Variants in CFAP299 observed in about 807,000 individuals in gnomAD.
The protein encoded by CFAP299 is cilia- and flagella-associated protein 299.
CFAP299 carries 21 observed loss-of-function variants against 27.0 expected under a neutral mutation model. The ratio of observed to expected loss-of-function variants is 0.78; its 90% CI spans 0.55 to 1.12. The LOEUF is 1.12. CFAP299 is among the 50% of genes most tolerant of loss of function. The pLI, the probability that CFAP299 is intolerant of heterozygous loss-of-function variation, is 0.00. For missense variants in CFAP299, 310 were observed against 276.6 expected (o/e 1.12, Z -0.86); for synonymous variants, 104 against 98.1 (o/e 1.06, Z -0.36).
chr4:80,605,599 G>A (rs1468283359), intron 3 of CFAP299, among the ~76,000 whole-genome samples: 1 of 152,042 alleles, frequency 6.6e-6, no homozygotes, highest in African/African-American at 2.4e-5. Context: ...ATTTCATTCT[G>A]GCTCTAAATA....
intron 2 of CFAP299, among the ~76,000 whole-genome samples, chr4:80,443,102 G>A (rs1728443804): frequency 6.6e-6 from 1 of 152,158 alleles, no homozygotes; most frequent in Non-Finnish European, 1.5e-5. Context: ...AATTCTCCCA[G>A]GGGTACAAAG....
chr4:80,719,006 T>C (rs1722658925), intron 3 of CFAP299, among the ~76,000 whole-genome samples: 1 of 152,098 alleles, frequency 6.6e-6, no homozygotes, highest in Non-Finnish European at 1.5e-5. Flanking sequence ...TGGATGGAGT[T>C]TGGGGGCCAT....
At chr4:80,439,566 C>T (rs1055511902) in intron 2 of CFAP299, among the ~76,000 whole-genome samples, 2 of 152,206 alleles carry the variant, frequency 1.3e-5, no homozygotes, top group Non-Finnish European at 2.9e-5. Flanking sequence ...AGGAGATTCC[C>T]TCGGGTGCCT....
chr4:80,730,688 C>A (rs1313280256), intron 3 of CFAP299, among the ~76,000 whole-genome samples: 1 of 152,100 alleles, frequency 6.6e-6, no homozygotes, highest in African/African-American at 2.4e-5. Context: ...TAGGTAGGGT[C>A]CAGAGTCTTG....
intron 4 of CFAP299, among the ~76,000 whole-genome samples, chr4:80,889,627 A>C (rs1734152046): frequency 6.6e-6 from 1 of 152,102 alleles, no homozygotes; most frequent in African/African-American, 2.4e-5. Context: ...TATTCTACAA[A>C]GCCAGCATTA....
chr4:80,390,948 CACACATGTATATATGTATATATGT>C (rs1560544113), intron 2 of CFAP299, among the ~76,000 whole-genome samples: 4 of 42,216 alleles, frequency 9.5e-5, no homozygotes, highest in Non-Finnish European at 1.9e-4. Context: ...TATGTATGTA[CACACATGTATATATGTATATATGT>C]ATGTACACAC....
At chr4:80,530,374 T>C (rs938078930) in intron 2 of CFAP299, among the ~76,000 whole-genome samples, 24 of 152,156 alleles carry the variant, frequency 1.6e-4, no homozygotes, top group African/African-American at 5.8e-4. Flanking sequence ...TAAAATAATA[T>C]AGGTACTCTC....
At chr4:80,598,079 C>A (rs1737147849) in intron 3 of CFAP299, among the ~76,000 whole-genome samples, 1 of 152,188 alleles carries the variant, frequency 6.6e-6, no homozygotes, top group South Asian at 2.1e-4. Context: ...ATATAAAAAT[C>A]TGGATTTCAA....
intron 2 of CFAP299, among the ~76,000 whole-genome samples, chr4:80,563,304 A>G (rs373243551): frequency 4.6e-5 from 7 of 152,162 alleles, no homozygotes; most frequent in African/African-American, 1.7e-4. Flanking sequence ...AGGTCACAAA[A>G]CAAGTCTTAA....
chr4:80,375,849 A>T (rs1228866092), intron 2 of CFAP299, among the ~76,000 whole-genome samples: 1 of 152,206 alleles, frequency 6.6e-6, no homozygotes, highest in Non-Finnish European at 1.5e-5. Flanking sequence ...CATGAGCTCA[A>T]TTGCTGAGGC....
At chr4:80,646,346 C>T (rs1246246405) in intron 3 of CFAP299, among the ~76,000 whole-genome samples, 1 of 152,154 alleles carries the variant, frequency 6.6e-6, no homozygotes, top group Admixed American at 6.6e-5. Flanking sequence ...TTTACTCTCA[C>T]TGAACAGTAT....
chr4:80,604,385 C>T lies in CFAP299; in HGVS notation c.333+21202C>T, dbSNP rs115058313. ...GTAAGATAATTGGAAGTGTATGTGA[C>T]TAAAAGTTAGGCACTGGTGGGTCCC... On this transcript the variant is annotated intron_variant, in intron 3 of 5. Transcript: ENST00000358105. Among the ~76,000 whole-genome samples the T allele has an allele frequency of 6.8e-3, 1,035 of 152,130 alleles. 13 individuals are homozygous for T. Among genetic ancestry groups the T allele is most frequent in the African/African-American group, 0.024 (994 of 41,498 alleles).
intron 2 of CFAP299, among the ~76,000 whole-genome samples, chr4:80,404,274 T>C (rs776453192): frequency 1.3e-5 from 2 of 152,114 alleles, no homozygotes; most frequent in African/African-American, 4.8e-5. Context: ...TTTTTATTTG[T>C]GATAAAGTAC....
At chr4:80,458,615 A>G (rs1553924805) in intron 2 of CFAP299, among the ~76,000 whole-genome samples, 1 of 152,186 alleles carries the variant, frequency 6.6e-6, no homozygotes, top group Non-Finnish European at 1.5e-5. Context: ...TTATTTTATT[A>G]GTGATTCAAG....
At chr4:80,390,680 TAC>T (rs1395197447) in intron 2 of CFAP299, among the ~76,000 whole-genome samples, 4 of 145,836 alleles carry the variant, frequency 2.7e-5, no homozygotes, top group Admixed American at 7.0e-5. Context: ...TATACATGTA[TAC>T]ACACATATAT....
intron 2 of CFAP299, among the ~76,000 whole-genome samples, chr4:80,501,739 T>G (rs1731759209): frequency 6.6e-6 from 1 of 151,612 alleles, no homozygotes; most frequent in African/African-American, 2.4e-5. Flanking sequence ...GATGTCACCA[T>G]TTTTGATAGA....
intron 2 of CFAP299, among the ~76,000 whole-genome samples, chr4:80,473,401 A>T (rs1235009104): frequency 6.6e-6 from 1 of 152,042 alleles, no homozygotes; most frequent in Admixed American, 6.6e-5. Context: ...CTGAAGTTTA[A>T]TTTTAACTTT....
At chr4:80,412,126 C>A (rs1447724743) in intron 2 of CFAP299, among the ~76,000 whole-genome samples, 1 of 152,176 alleles carries the variant, frequency 6.6e-6, no homozygotes, top group Non-Finnish European at 1.5e-5. Flanking sequence ...CATAACCAAG[C>A]AATCTAGTGA....
chr4:80,947,176 T>C (rs967745645), intron 5 of CFAP299, among the ~76,000 whole-genome samples: 2 of 152,174 alleles, frequency 1.3e-5, no homozygotes, highest in African/African-American at 4.8e-5. Context: ...TCTCCTTTTT[T>C]CTGAAAGATT....
Sources: gnomAD v4.1 joint callset for allele counts (sites outside exome capture counted in the v4.1 genomes callset) on GRCh38, gnomAD v4.1.1 for gene constraint, MANE v1.5 for transcripts, NCBI Gene and HGNC (gene_info 2026-07-23, HGNC 2026-07-21) for gene names.